ANO10: variants seen among roughly 807,000 people sequenced by gnomAD.
The protein encoded by ANO10 is anoctamin-10.
In ANO10, 77 loss-of-function variants were observed where a neutral mutation model predicts 74.7. That is an observed-to-expected ratio of 1.03 (90% CI 0.86 to 1.25). The LOEUF is 1.25. Ranked by LOEUF, ANO10 falls within the 50% of genes most tolerant of loss-of-function variation. The pLI is 0.00. For missense variants in ANO10, 721 were observed against 778.1 expected (o/e 0.93, Z 0.87); for synonymous variants, 279 against 284.9 (o/e 0.98, Z 0.21).
chr3:43,652,128 T>C (rs1017273585), intron 1 of ANO10, among the ~76,000 whole-genome samples: 2 of 151,912 alleles, frequency 1.3e-5, no homozygotes, highest in South Asian at 2.1e-4. Context: ...TTTTTTTTTT[T>C]CAGAAATTGA....
chr3:43,431,577 G>T (rs958883924), intron 12 of ANO10, among the ~76,000 whole-genome samples: 3 of 151,876 alleles, frequency 2.0e-5, no homozygotes, highest in Non-Finnish European at 4.4e-5. Flanking sequence ...AGACACACTG[G>T]CTAGCCCACA....
intron 12 of ANO10, among the ~76,000 whole-genome samples, chr3:43,431,077 C>CTT (rs758157587): frequency 1.3e-4 from 19 of 141,532 alleles, no homozygotes; most frequent in East Asian, 2.0e-4. Context: ...ATTTTCTTTT[C>CTT]TTTTTTTTTT....
chr3:43,580,512 G>A, intron 4 of ANO10, 40 bp from the exon 5 acceptor site: 1 of 1,609,714 alleles, frequency 6.2e-7, no homozygotes, highest in Non-Finnish European at 8.5e-7. Flanking sequence ...GAAATGGACT[G>A]GAGATTGTGC....
At chr3:43,459,418 A>T (rs972147003) in intron 11 of ANO10, among the ~76,000 whole-genome samples, 2 of 152,204 alleles carry the variant, frequency 1.3e-5, no homozygotes, top group Non-Finnish European at 1.5e-5. Flanking sequence ...GGCCACAGAT[A>T]GTCTTCTGTG....
intron 1 of ANO10, among the ~76,000 whole-genome samples, chr3:43,612,144 A>G (rs1167526365): frequency 3.1e-5 from 1 of 32,024 alleles, no homozygotes; most frequent in Non-Finnish European, 5.2e-5. Context: ...AATATTTTAT[A>G]TATATATATA....
chr3:43,585,740 T>C (rs910832989), intron 4 of ANO10, among the ~76,000 whole-genome samples: 6 of 152,188 alleles, frequency 3.9e-5, no homozygotes, highest in Non-Finnish European at 7.3e-5. Flanking sequence ...TTGTATTTTA[T>C]TGGATGCAGT....
At chr3:43,566,773 G>A (rs992524594) in intron 7 of ANO10, among the ~76,000 whole-genome samples, 1 of 152,246 alleles carries the variant, frequency 6.6e-6, no homozygotes, top group Non-Finnish European at 1.5e-5. Flanking sequence ...CTAAAAAGCA[G>A]AGCGCCTCTC....
intron 11 of ANO10, among the ~76,000 whole-genome samples, chr3:43,518,987 C>T (rs2077830846): frequency 6.6e-6 from 1 of 152,132 alleles, no homozygotes; most frequent in Non-Finnish European, 1.5e-5. Flanking sequence ...TACACCCCTC[C>T]CCTTTTGAAA....
intron 1 of ANO10, among the ~76,000 whole-genome samples, chr3:43,638,465 T>C (rs1245381994): frequency 6.6e-6 from 1 of 152,234 alleles, no homozygotes; most frequent in East Asian, 1.9e-4. Context: ...ATGCATATAA[T>C]GTTGGCTATT....
chr3:43,555,732 CATT>C (rs147920165), intron 9 of ANO10, among the ~76,000 whole-genome samples: 1,760 of 152,260 alleles, frequency 0.012, 29 homozygotes, highest in African/African-American at 0.038. Context: ...AATTAATAAA[CATT>C]ATTATTATCG....
In ANO10 at chr3:43,643,809, G is replaced by T. The variant is rs561711263; in HGVS notation, c.-11-37946C>A. Among the ~76,000 whole-genome samples, 409 of 150,674 alleles carry T rather than the reference G, an allele frequency of 2.7e-3. 7 individuals are homozygous for T. The highest frequency in any genetic ancestry group is 9.0e-3 in the African/African-American group (366 of 40,754). ...CACCATTCTCCTGCCTCAGCCTCCT[G>T]AGTAGCTCGGACTACAGGCACCCGC... On this transcript the variant is annotated intron_variant, in intron 1 of 3. Coordinates refer to the ANO10 transcript ENST00000413397.
Position 43,614,800 on chromosome 3 carries a change from T to TG in ANO10, c.-12+7108_-12+7109insC, listed in dbSNP as rs1385932324. On this transcript the variant is annotated intron_variant, in intron 1 of 12. Coordinates refer to ENST00000292246, the MANE Select transcript of ANO10 (RefSeq NM_018075.5). Reference sequence around the variant, plus strand: ...ATATATATATATATATATATATATATATAGGTTCATTACAGTTTTTTATGG... The same window carrying TG: ...ATATATATATATATATATATATATATGATAGGTTCATTACAGTTTTTTATGG... Among the ~76,000 whole-genome samples, 642 of 138,084 alleles carry TG rather than the reference T, an allele frequency of 4.6e-3. 20 individuals are homozygous for TG. The highest frequency in any genetic ancestry group is 0.016 in the African/African-American group (606 of 37,810). 90.6% of individuals were successfully genotyped at this position (138,084 alleles called of 152,430 possible).
chr3:43,555,512 T>A (rs1273816353), intron 9 of ANO10, 43 bp from the exon 10 acceptor site: 1 of 1,579,142 alleles, frequency 6.3e-7, no homozygotes, highest in Non-Finnish European at 8.7e-7. Flanking sequence ...TATCATACAA[T>A]AGGAATATCC....
chr3:43,560,054 C>G (rs1170545335), intron 9 of ANO10, among the ~76,000 whole-genome samples: 1 of 152,158 alleles, frequency 6.6e-6, no homozygotes, highest in East Asian at 1.9e-4. Context: ...GGGAGGAGAA[C>G]CAAGAGCACC....
At chr3:43,565,538 C>A in intron 8 of ANO10, 115 bp downstream of exon 8, 3 of 928,504 alleles carry the variant, frequency 3.2e-6, no homozygotes, top group Non-Finnish European at 3.3e-6. Flanking sequence ...TAAAAACATA[C>A]AAAATTTAAA....
At chr3:43,552,586 C>T (rs1559687514) in intron 10 of ANO10, among the ~76,000 whole-genome samples, 1 of 151,256 alleles carries the variant, frequency 6.6e-6, no homozygotes. Flanking sequence ...GTTAAGAGAA[C>T]TTCCTATAGC....
intron 8 of ANO10, among the ~76,000 whole-genome samples, chr3:43,564,132 A>G (rs1010702896): frequency 6.6e-6 from 1 of 151,954 alleles, no homozygotes; most frequent in African/African-American, 2.4e-5. Context: ...TCCCAGGCTC[A>G]GACAATCCTC....
At chr3:43,604,083 A>G (rs1645891367) in intron 2 of ANO10, among the ~76,000 whole-genome samples, 1 of 152,128 alleles carries the variant, frequency 6.6e-6, no homozygotes, top group Admixed American at 6.6e-5. Context: ...GGATCTATTT[A>G]TTTTTATTTT....
chr3:43,573,993 C>T (rs2080872439), intron 7 of ANO10, among the ~76,000 whole-genome samples: 2 of 152,198 alleles, frequency 1.3e-5, no homozygotes, highest in Admixed American at 1.3e-4. Context: ...CTCGCTCTGT[C>T]ACCCAGGCTG....
Sources: allele counts gnomAD v4.1 joint callset (sites outside exome capture counted in the v4.1 genomes callset), GRCh38; gene constraint gnomAD v4.1.1; transcripts MANE v1.5; gene names NCBI Gene and HGNC (gene_info 2026-07-23, HGNC 2026-07-21).